The following GREB1L variants were observed in gnomAD, a reference collection of about 807,000 sequenced individuals.
GREB1L encodes the protein GREB1-like protein.
GREB1L carries 17 observed loss-of-function variants against 200.8 expected under a neutral mutation model. The ratio of observed to expected loss-of-function variants is 0.08; its 90% CI spans 0.06 to 0.13. The LOEUF is 0.13. Ranked by LOEUF, GREB1L falls within the 10% of genes least tolerant of loss-of-function variation. The probability of loss-of-function intolerance (pLI) is 1.00; values close to 1 mark genes in which losing one functional copy is unlikely to be tolerated. For missense variants in GREB1L, 1,657 were observed against 2,367.7 expected (o/e 0.70, Z 6.23); for synonymous variants, 789 against 893.0 (o/e 0.88, Z 2.08).
intron 16 of GREB1L, among the ~76,000 whole-genome samples, chr18:21,475,206 T>C (rs2035639236): frequency 6.6e-6 from 1 of 152,150 alleles, no homozygotes; most frequent in Non-Finnish European, 1.5e-5. Flanking sequence ...ACTTTTCCAT[T>C]TGGCCTTGCT....
intron 15 of GREB1L, among the ~76,000 whole-genome samples, chr18:21,470,756 T>C (rs1170131472): frequency 3.3e-5 from 5 of 151,804 alleles, no homozygotes; most frequent in African/African-American, 1.2e-4. Flanking sequence ...ACAATATGCA[T>C]AGAAAAAAAA....
At chr18:21,320,200 T>C (rs973790091) in intron 1 of GREB1L, among the ~76,000 whole-genome samples, 1 of 152,056 alleles carries the variant, frequency 6.6e-6, no homozygotes, top group African/African-American at 2.4e-5. Flanking sequence ...ACAGAATATG[T>C]ACAAAGTTAC....
rs11414940 is a variant in GREB1L, at chr18:21,457,964, G to GTTT, written c.2182+3420_2182+3422dup. Reference sequence around the variant, plus strand: ...GGGTAGTACCTTGAGAGCAAGGACAGTTTTTTTTTTTTTTTTTTTTTGAGG... The same window carrying GTTT: ...GGGTAGTACCTTGAGAGCAAGGACAGTTTTTTTTTTTTTTTTTTTTTTTTGAGG... On this transcript the variant is annotated intron_variant, in intron 15 of 32. Transcript: ENST00000424526. Among the ~76,000 whole-genome samples, 28 of 117,840 alleles carry GTTT rather than the reference G, an allele frequency of 2.4e-4. 1 individual carries two copies. The highest frequency in any genetic ancestry group is 5.1e-4 in the East Asian group (2 of 3,954). 77.3% of individuals were successfully genotyped at this position (117,840 alleles called of 152,430 possible).
chr18:21,440,418 G>C, intron 9 of GREB1L, 30 bp downstream of exon 9: 4 of 1,544,228 alleles, frequency 2.6e-6, no homozygotes, highest in Non-Finnish European at 3.5e-6. Flanking sequence ...TGGATTGTAA[G>C]TGTGTTTTTA....
Position 21,473,030 on chromosome 18 carries a change from G to A in GREB1L, c.2183-1G>A. 1 of 1,524,886 alleles carries A rather than the reference G, an allele frequency of 6.6e-7. No individual in the cohort carries two copies. 94.5% of individuals were successfully genotyped at this position (1,524,886 alleles called of 1,614,324 possible). ...AAGATGAACTTTTTTCTTCTTGGCAGGTGTCCTTGTAGACTTGGGTCTGGA... is the reference window on the plus strand; with the variant it reads ...AAGATGAACTTTTTTCTTCTTGGCAAGTGTCCTTGTAGACTTGGGTCTGGA... On this transcript the variant is annotated splice_acceptor_variant, in intron 15 of 32. Coordinates refer to ENST00000424526, the MANE Select transcript of GREB1L (RefSeq NM_001142966.3). LOFTEE classifies it high-confidence loss of function.
intron 1 of GREB1L, among the ~76,000 whole-genome samples, chr18:21,302,289 G>A (rs1314061483): frequency 1.3e-5 from 2 of 152,236 alleles, no homozygotes; most frequent in Middle Eastern, 6.8e-3. Context: ...TTTTGGAGGA[G>A]GTGGGGGTTC....
intron 19 of GREB1L, 89 bp downstream of exon 19, chr18:21,490,440 T>G (rs1254001453): frequency 9.5e-7 from 1 of 1,047,240 alleles, no homozygotes; most frequent in African/African-American, 1.6e-5. Flanking sequence ...GGCCTGAGTT[T>G]AATAGAATCA....
At chr18:21,480,078 C>T (rs564914928) in intron 17 of GREB1L, among the ~76,000 whole-genome samples, 10 of 152,232 alleles carry the variant, frequency 6.6e-5, no homozygotes, top group South Asian at 4.1e-4. Context: ...TGGCTAGGCG[C>T]GGTGGCTCAC....
chr18:21,487,795 G>A (rs2145831336), intron 18 of GREB1L, among the ~76,000 whole-genome samples: 1 of 151,752 alleles, frequency 6.6e-6, no homozygotes, highest in African/African-American at 2.4e-5. Flanking sequence ...GAGGTCAGGA[G>A]TTCGAGACCA....
intron 27 of GREB1L, among the ~76,000 whole-genome samples, chr18:21,510,106 C>T (rs1003769346): frequency 2.0e-5 from 3 of 151,140 alleles, no homozygotes; most frequent in East Asian, 2.0e-4. Context: ...ACCAGCTACT[C>T]AGGAGTCTGA....
chr18:21,312,680 A>G (rs1015418224), intron 1 of GREB1L, among the ~76,000 whole-genome samples: 2 of 152,048 alleles, frequency 1.3e-5, no homozygotes, highest in Admixed American at 6.6e-5. Context: ...CAGCCTCCCG[A>G]GTAGCTGTGA....
intron 7 of GREB1L, among the ~76,000 whole-genome samples, chr18:21,429,287 C>G (rs1261431852): frequency 3.2e-5 from 4 of 124,518 alleles, no homozygotes; most frequent in African/African-American, 1.2e-4. Context: ...CCTCTCCTCC[C>G]CTCCCCTCTC....
At chr18:21,441,141 T>C (rs991772981) in intron 9 of GREB1L, among the ~76,000 whole-genome samples, 12 of 152,126 alleles carry the variant, frequency 7.9e-5, no homozygotes, top group Non-Finnish European at 1.5e-4. Context: ...TCCAAAATAT[T>C]GCATATGGAA....
chr18:21,428,641 T>C (rs2032846006), intron 7 of GREB1L, among the ~76,000 whole-genome samples: 1 of 150,372 alleles, frequency 6.7e-6, no homozygotes, highest in Non-Finnish European at 1.5e-5. Flanking sequence ...GTCCCTTTTT[T>C]TTTTTTGAGA....
chr18:21,518,343 C>T, intron 31 of GREB1L, 109 bp downstream of exon 31: 3 of 1,022,900 alleles, frequency 2.9e-6, no homozygotes, highest in Non-Finnish European at 4.2e-6. Flanking sequence ...ATCAAGATGC[C>T]AGTCTGGTCC....
chr18:21,497,516 C>T (rs1438051662), intron 21 of GREB1L, among the ~76,000 whole-genome samples: 3 of 151,574 alleles, frequency 2.0e-5, no homozygotes, highest in East Asian at 2.0e-4. Flanking sequence ...TGGTGGCGGG[C>T]GCCTGTAGTC....
chr18:21,379,137 C>A (rs2040198807), intron 2 of GREB1L, among the ~76,000 whole-genome samples: 1 of 152,136 alleles, frequency 6.6e-6, no homozygotes. Flanking sequence ...ATTATGTGAT[C>A]CTCCATGTAT....
chr18:21,493,865 CAAAAAAAAAAAAA>C (rs35758360), intron 19 of GREB1L, among the ~76,000 whole-genome samples: 6 of 38,506 alleles, frequency 1.6e-4, no homozygotes, highest in Non-Finnish European at 2.4e-4. Flanking sequence ...GACCCTGTCT[CAAAAAAAAAAAAA>C]AAAAAAAAAA....
At chr18:21,442,254 C>T (rs189512792) in intron 10 of GREB1L, among the ~76,000 whole-genome samples, 283 of 152,274 alleles carry the variant, frequency 1.9e-3, no homozygotes, top group South Asian at 2.9e-3. Context: ...AAGGAGACTG[C>T]TTGCTCTACC....
Sources: allele counts gnomAD v4.1 joint callset (sites outside exome capture counted in the v4.1 genomes callset), GRCh38; gene constraint gnomAD v4.1.1; transcripts MANE v1.5; gene names NCBI Gene and HGNC (gene_info 2026-07-23, HGNC 2026-07-21).